The following NKAIN1 variants were observed in gnomAD, a reference collection of about 807,000 sequenced individuals.
NKAIN1 encodes sodium/potassium-transporting ATPase subunit beta-1-interacting protein 1.
A neutral mutation model predicts 31.6 loss-of-function variants in NKAIN1; 13 were observed. The ratio of observed to expected loss-of-function variants is 0.41; its 90% CI spans 0.27 to 0.65. The LOEUF (loss-of-function observed/expected upper bound fraction) is 0.65, where lower values mean the gene tolerates loss of function less well. Ranked by LOEUF, NKAIN1 falls within the 30% of genes least tolerant of loss-of-function variation. The probability of loss-of-function intolerance (pLI) is 0.30; values close to 1 mark genes in which losing one functional copy is unlikely to be tolerated. For missense variants in NKAIN1, 193 were observed against 262.2 expected, an observed-to-expected ratio of 0.74 and a Z score of 1.82; for synonymous variants, 104 against 109.0, an observed-to-expected ratio of 0.95 and a Z score of 0.28.
rs1645714792 is a variant in NKAIN1 at position 31,239,249 on chromosome 1, C to A, written c.54+245G>T. On this transcript the variant is annotated intron_variant, in intron 1 of 6. Transcript: ENST00000373736. The surrounding 1 kb of genome is among the most constrained non-coding windows in gnomAD (Gnocchi z 4.8). ...GTACAGTGCGGGCGGGCCGGGGACT[C>A]GCGCACAGGACGCACTTGGGGACCG... Among the ~76,000 whole-genome samples, 2 of 152,118 alleles carry A rather than the reference C, an allele frequency of 1.3e-5. No individual in the cohort carries two copies. The highest frequency in any genetic ancestry group is 2.4e-5 in the African/African-American group (1 of 41,434).
intron 1 of NKAIN1, among the ~76,000 whole-genome samples, chr1:31,216,752 G>A (rs1209378342): frequency 8.0e-6 from 1 of 125,318 alleles, no homozygotes; most frequent in African/African-American, 2.9e-5. Flanking sequence ...GGAGTCCAGT[G>A]GCACCATCTC....
At chr1:31,215,869 GC>G (rs1557659180) in intron 1 of NKAIN1, among the ~76,000 whole-genome samples, 1 of 152,136 alleles carries the variant, frequency 6.6e-6, no homozygotes. Context: ...AATAACAATG[GC>G]TAAGATATGC....
intron 1 of NKAIN1, among the ~76,000 whole-genome samples, chr1:31,198,482 C>T (rs975066221): frequency 6.6e-6 from 1 of 152,140 alleles, no homozygotes; most frequent in Non-Finnish European, 1.5e-5. Flanking sequence ...GTTTCAGTCT[C>T]CCTCATGCTC....
At position 31,181,074 on chromosome 1, in the gene NKAIN1, T is replaced by TAA. The variant is rs1645193517; in HGVS notation, c.*627_*628dup. 1 of 152,254 alleles carries TAA rather than the reference T, an allele frequency of 6.6e-6. No individual in the cohort carries two copies. The highest frequency in any genetic ancestry group is 1.5e-5 in the Non-Finnish European group (1 of 68,060). 9.4% of individuals were successfully genotyped at this position (152,254 alleles called of 1,614,324 possible). On this transcript the variant is annotated 3_prime_UTR_variant, in exon 7 of 7. Transcript: ENST00000373736. ...AAATCACATCTCTGGGCCTCAGTTT[T>TAA]AATGTACTGCAAAATGAGAATTTTA...
intron 1 of NKAIN1, among the ~76,000 whole-genome samples, chr1:31,223,066 G>A (rs1412593579): frequency 6.6e-6 from 1 of 152,080 alleles, no homozygotes; most frequent in Non-Finnish European, 1.5e-5. Flanking sequence ...GAAAAGCAGC[G>A]GCTCTGGGAT....
chr1:31,198,171 G>C (rs1645345937), intron 1 of NKAIN1, among the ~76,000 whole-genome samples: 1 of 152,124 alleles, frequency 6.6e-6, no homozygotes. Context: ...CACACTCCAG[G>C]TGCTAAAACC....
rs78877916 is a variant in NKAIN1, at chr1:31,189,900, T to C, written c.55-1713A>G. On this transcript the variant is annotated intron_variant, in intron 1 of 6. Transcript: ENST00000373736. ...GGCTGCCTTGGCCACCTCAGGTGGA[T>C]GGCCCGCCTGAGGAGAAAGCCATAG... Among the ~76,000 whole-genome samples the C allele has an allele frequency of 4.1e-3, 618 of 152,286 alleles. 37 individuals carry two copies. In the East Asian group the frequency reaches 0.099, roughly 24 times the overall value.
intron 1 of NKAIN1, among the ~76,000 whole-genome samples, chr1:31,202,215 C>T (rs1645385698): frequency 6.6e-6 from 1 of 152,230 alleles, no homozygotes; most frequent in Non-Finnish European, 1.5e-5. Context: ...AGCTGGGGGG[C>T]TCTGCAAGCC....
At chr1:31,213,851 G>T (rs924349979) in intron 1 of NKAIN1, among the ~76,000 whole-genome samples, 2 of 151,714 alleles carry the variant, frequency 1.3e-5, no homozygotes, top group African/African-American at 2.4e-5. Flanking sequence ...AAAATTAGCT[G>T]GGTGTAGTGG....
rs6670158 is a variant in NKAIN1, at chr1:31,182,050, G to A, written c.533-109C>T. The A allele has an allele frequency of 5.7e-3, 6,516 of 1,133,470 alleles. 267 individuals are homozygous for A. In the African/African-American group the frequency reaches 0.086, roughly 15 times the overall value. The allele number at this position is 1,133,470 out of a possible 1,614,324, so 70.2% of individuals were successfully genotyped here. ...GGGCAGGACTCCCACCCTAGGAAGC[G>A]GAGCCAGAGAAGCCATGAGGAGGGG... On this transcript the variant is annotated intron_variant, in intron 5 of 6. Coordinates refer to ENST00000373736, the MANE Select transcript of NKAIN1 (RefSeq NM_024522.3).
intron 1 of NKAIN1, among the ~76,000 whole-genome samples, chr1:31,212,527 C>T (rs1263526083): frequency 3.3e-5 from 5 of 151,976 alleles, no homozygotes; most frequent in African/African-American, 1.2e-4. Flanking sequence ...ACCTCAGACT[C>T]TAGAGTGGCT....
At chr1:31,220,926 A>T (rs920053501) in intron 1 of NKAIN1, among the ~76,000 whole-genome samples, 2 of 152,154 alleles carry the variant, frequency 1.3e-5, no homozygotes, top group African/African-American at 4.8e-5. Context: ...GTCCACACTC[A>T]GTGGACACTT....
In NKAIN1 at chr1:31,183,779, C is replaced by T. The variant is rs776349759; in HGVS notation, c.471+38G>A. 7.0e-6 allele frequency: 11 copies of T among 1,575,532 alleles called. No individual in the cohort carries two copies. The East Asian group carries it at 1.1e-4, about 16-fold the overall frequency. On this transcript the variant is annotated intron_variant, in intron 4 of 6. Transcript: ENST00000373736. Reference sequence around the variant, plus strand: ...CTCAACCAGAGCTAAAGAAAGGGATCGGGAAGTGTGTGTAGGGTGGGGGAC... The same window carrying T: ...CTCAACCAGAGCTAAAGAAAGGGATTGGGAAGTGTGTGTAGGGTGGGGGAC...
chr1:31,222,913 T>C (rs1464539611), intron 1 of NKAIN1, among the ~76,000 whole-genome samples: 5 of 152,204 alleles, frequency 3.3e-5, no homozygotes, highest in Non-Finnish European at 7.3e-5. Context: ...CTCTTAGGGT[T>C]ACTGCAGGAC....
intron 1 of NKAIN1, among the ~76,000 whole-genome samples, chr1:31,219,680 G>A (rs1312382160): frequency 6.6e-6 from 1 of 152,228 alleles, no homozygotes; most frequent in Non-Finnish European, 1.5e-5. Context: ...ATCATCACTG[G>A]AGACACATTC....
chr1:31,214,692 A>T (rs547498367), intron 1 of NKAIN1, among the ~76,000 whole-genome samples: 1 of 152,332 alleles, frequency 6.6e-6, no homozygotes, highest in Non-Finnish European at 1.5e-5. Flanking sequence ...TCTGCGAGGA[A>T]GTGATCTGAA....
intron 1 of NKAIN1, among the ~76,000 whole-genome samples, chr1:31,208,012 C>T (rs1645437312): frequency 6.6e-6 from 1 of 152,108 alleles, no homozygotes; most frequent in Admixed American, 6.5e-5. Flanking sequence ...CTCTCCTGGT[C>T]CACAGATGGC....
chr1:31,194,054 T>A (rs1645305554), intron 1 of NKAIN1: 1 of 152,196 alleles, frequency 6.6e-6, no homozygotes, highest in African/African-American at 2.4e-5. Flanking sequence ...ATCCCTCTCC[T>A]AAGTGAGCTG....
intron 1 of NKAIN1, among the ~76,000 whole-genome samples, chr1:31,192,724 T>C (rs920848202): frequency 4.6e-5 from 7 of 151,884 alleles, no homozygotes; most frequent in African/African-American, 1.5e-4. Flanking sequence ...TGGATTTTTG[T>C]ATTTTTTGTA....
Sources: gnomAD v4.1 joint callset for allele counts (sites outside exome capture counted in the v4.1 genomes callset) on GRCh38, gnomAD v4.1.1 for gene constraint, Gnocchi (gnomAD v3.1) non-coding constraint, MANE v1.5 for transcripts, NCBI Gene and HGNC (gene_info 2026-07-23, HGNC 2026-07-21) for gene names.